Variants in LTBR observed in about 807,000 individuals in gnomAD.
LTBR encodes the protein tumor necrosis factor receptor superfamily member 3.
LTBR carries 15 observed loss-of-function variants against 45.4 expected under a neutral mutation model. The observed-to-expected ratio is 0.33, with a 90% confidence interval of 0.22 to 0.51. LTBR has a LOEUF of 0.51. Among genes scored for constraint, LTBR ranks in the 20% least tolerant of loss-of-function variants. LTBR has a pLI of 0.97. For synonymous variants in LTBR, 228 were observed against 231.0 expected (o/e 0.99, Z 0.12); for missense variants, 450 against 565.5 (o/e 0.80, Z 2.07).
chr12:6,385,915 A>AAG (rs1949039825), intron 4 of LTBR, 151 bp from the exon 5 acceptor site: 1 of 586,080 alleles, frequency 1.7e-6, no homozygotes, highest in Admixed American at 3.1e-5. Context: ...AAAAAAAAAA[A>AAG]AAAAAAAGGC....
At chr12:6,383,945 G>A (rs1191319189), upstream of LTBR, 2 of 962,786 alleles carry the variant, frequency 2.1e-6, no homozygotes, top group East Asian at 1.5e-4. Flanking sequence ...CCCTTCCCTC[G>A]GCTGGGCCAG....
At position 6,386,640 on chromosome 12, in the gene LTBR, TA is replaced by T; in HGVS notation, c.667+200del. On this transcript the variant is annotated intron_variant, in intron 6 of 9. Transcript: ENST00000228918. This position sits in a 1 kb window ranked among gnomAD's most constrained non-coding sequence, Gnocchi z 4.1. ...ACACACACACACACACACACACTTTTAAAATTATATATACTGTAATACTATG... is the reference window on the plus strand; with the variant it reads ...ACACACACACACACACACACACTTTTAAATTATATATACTGTAATACTATG... 1 of 573,730 alleles carries T rather than the reference TA, an allele frequency of 1.7e-6. No individual in the cohort carries two copies. The allele number at this position is 573,730 out of a possible 1,614,324, so 35.5% of individuals were successfully genotyped here.
chr12:6,376,251 C>A (rs1381645504), intron 1 of LTBR: 12 of 930,460 alleles, frequency 1.3e-5, no homozygotes, highest in South Asian at 5.0e-5. Context: ...TGATTCCTCG[C>A]CACCCCCTCC....
Position 6,388,448 on chromosome 12 carries a change from C to A in LTBR, c.718C>A (p.Leu240Ile). The stretch of plus-strand genomic sequence containing the variant: ...GCTGCCACTGGCCTTCTTTCTGCTC[C>A]TTGCCACCGTCTTCTCCTGCATCTG... ...VLLPLAFFLL[L>I]ATVFSCIWKS... Residue 240 changes from leucine to isoleucine, a missense_variant, in exon 7 of 10, where the codon CTT becomes ATT. Around this residue, in one of 3 missense-constraint regions of LTBR, gnomAD observed 367 missense variants for 435.4 expected, o/e 0.84. Coordinates refer to ENST00000228918, the MANE Select transcript of LTBR (RefSeq NM_002342.3). This position sits in a 1 kb window ranked among gnomAD's most constrained non-coding sequence, Gnocchi z 4.3. The A allele has an allele frequency of 6.2e-7, 1 of 1,614,082 alleles. No homozygotes were observed. Among genetic ancestry groups the A allele is most frequent in the Non-Finnish European group, 8.5e-7 (1 of 1,180,030 alleles).
chr12:6,375,930 A>T, intron 1 of LTBR: 1 of 1,040,734 alleles, frequency 9.6e-7, no homozygotes, highest in Non-Finnish European at 1.2e-6. Context: ...ACAGAGAGAT[A>T]GGGATGGAGG....
chr12:6,375,534 C>T (rs1948889715), exon 1 of LTBR: 1 of 1,535,094 alleles, frequency 6.5e-7, no homozygotes, highest in Admixed American at 2.0e-5. Flanking sequence ...GGCTGGGGAG[C>T]CCGCCCGCTG....
At chr12:6,379,702 G>A (rs1041166319), upstream of LTBR, among the ~76,000 whole-genome samples, 28 of 152,056 alleles carry the variant, frequency 1.8e-4, no homozygotes, top group African/African-American at 6.5e-4. Flanking sequence ...AGGCCGAGGC[G>A]GGTGGATCAT....
upstream of LTBR, among the ~76,000 whole-genome samples, chr12:6,382,159 A>G (rs1239492958): frequency 5.3e-5 from 8 of 152,156 alleles, no homozygotes; most frequent in Non-Finnish European, 1.0e-4. Context: ...CAGGGTGGGG[A>G]AAAAAAGAAA....
chr12:6,381,614 A>AT (rs1416614414), upstream of LTBR, among the ~76,000 whole-genome samples: 1 of 152,252 alleles, frequency 6.6e-6, no homozygotes, highest in African/African-American at 2.4e-5. Flanking sequence ...GGGTCTGGAC[A>AT]TAGTGGTTAC....
chr12:6,388,592 C>G lies in LTBR; in HGVS notation c.775+87C>G, dbSNP rs192019369. On this transcript the variant is annotated intron_variant, in intron 7 of 9. Transcript: ENST00000228918. The surrounding 1 kb of genome is among the most constrained non-coding windows in gnomAD (Gnocchi z 4.3). ...CTTCCCCGGTGCAACCCTCCACACC[C>G]TCAAGACTCCCAATGCCTACCCCCA... 1 of 1,216,666 alleles carries G rather than the reference C, an allele frequency of 8.2e-7. No individual in the cohort carries two copies. 75.4% of individuals were successfully genotyped at this position (1,216,666 alleles called of 1,614,324 possible). A position where few individuals can be genotyped will look rare whatever the true frequency, so the allele number is the denominator to read the frequency against.
rs989311598 is a variant in LTBR at position 6,375,980 on chromosome 12, T to TG, written c.39+391dup. ...AGTAGAGGCAGGTGGGGGGCAGTGG[T>TG]GGGGGCAAATAGAAGGAGCCAGCAC... is the stretch of plus-strand genomic sequence containing the variant. On this transcript the variant is annotated intron_variant, in intron 1 of 9. Transcript: ENST00000539925. 10 of 942,310 alleles carry TG rather than the reference T, an allele frequency of 1.1e-5. No homozygotes were observed. In the African/African-American group the frequency reaches 2.0e-4, roughly 19 times the overall value. The allele number at this position is 942,310 out of a possible 1,614,324, so 58.4% of individuals were successfully genotyped here. A position where few individuals can be genotyped will look rare whatever the true frequency, so the allele number is the denominator to read the frequency against.
chr12:6,375,867 C>A, intron 1 of LTBR: 1 of 1,304,046 alleles, frequency 7.7e-7, no homozygotes, highest in Non-Finnish European at 9.7e-7. Context: ...GGGTGGGGAA[C>A]CGGGAGGACA....
At chr12:6,375,564 G>A (rs1200370244) in exon 1 of LTBR, 21 of 1,533,446 alleles carry the variant, frequency 1.4e-5, no homozygotes, top group East Asian at 4.9e-5. Context: ...GGATGGAAGC[G>A]ACAGGAATCT....
intron 1 of LTBR, chr12:6,377,039 C>T (rs1024629490): frequency 3.8e-6 from 2 of 520,904 alleles, no homozygotes; most frequent in Admixed American, 6.9e-5. Flanking sequence ...TAGGGGCTCA[C>T]TGCAGGAGAC....
intron 8 of LTBR, 134 bp from the exon 9 acceptor site, chr12:6,389,978 A>C: frequency 1.5e-6 from 1 of 671,394 alleles, no homozygotes; most frequent in Non-Finnish European, 2.6e-6. Context: ...AGAGAGAGAG[A>C]GAAAGAGAGA....
At position 6,375,857 on chromosome 12, in the gene LTBR, G is replaced by A. The variant is rs1005639983; in HGVS notation, c.39+263G>A. 2.3e-6 allele frequency: 3 copies of A among 1,325,096 alleles called. No homozygotes were observed. In the African/African-American group the frequency reaches 4.6e-5, roughly 20 times the overall value. 82.1% of individuals were successfully genotyped at this position (1,325,096 alleles called of 1,614,324 possible). On this transcript the variant is annotated intron_variant, in intron 1 of 9. Coordinates refer to the LTBR transcript ENST00000539925. ...GGGGCCAGCCAGGCTGAGAGGGCCT[G>A]GGTGGGGAACCGGGAGGACAGGAGG...
At chr12:6,385,995 A>G (rs1017921099) in intron 4 of LTBR, 71 bp from the exon 5 acceptor site, 7 of 1,049,882 alleles carry the variant, frequency 6.7e-6, no homozygotes, top group Middle Eastern at 2.0e-4. Flanking sequence ...GCTTAAAGGA[A>G]ACTCACAGGC....
intron 1 of LTBR, chr12:6,376,207 C>A: frequency 1.0e-6 from 1 of 984,294 alleles, no homozygotes; most frequent in Non-Finnish European, 1.2e-6. Context: ...AGGTGGGATG[C>A]GTCTGCCTCC....
Position 6,388,925 on chromosome 12 carries a change from A to G in LTBR, c.801+100A>G. Reference sequence around the variant, plus strand: ...GAGTATGCAGGCTGACTCCACACTCATTCATTCATTCAACTGATGATTTAC... The same window carrying G: ...GAGTATGCAGGCTGACTCCACACTCGTTCATTCATTCAACTGATGATTTAC... On this transcript the variant is annotated intron_variant, in intron 8 of 9. Coordinates refer to ENST00000228918, the MANE Select transcript of LTBR (RefSeq NM_002342.3). This position sits in a 1 kb window ranked among gnomAD's most constrained non-coding sequence, Gnocchi z 4.3. The G allele has an allele frequency of 1.5e-6, 2 of 1,368,638 alleles. No homozygotes were observed. The highest frequency in any genetic ancestry group is 1.0e-6 in the Non-Finnish European group (1 of 964,680). 84.8% of individuals were successfully genotyped at this position (1,368,638 alleles called of 1,614,324 possible). A position where few individuals can be genotyped will look rare whatever the true frequency, so the allele number is the denominator to read the frequency against.
Sources: gnomAD v4.1 joint callset for allele counts (sites outside exome capture counted in the v4.1 genomes callset) on GRCh38, gnomAD v4.1.1 for gene constraint, gnomAD v4.1.1 regional missense constraint, Gnocchi (gnomAD v3.1) non-coding constraint, MANE v1.5 for transcripts, NCBI Gene and HGNC (gene_info 2026-07-23, HGNC 2026-07-21) for gene names.